The following DMRT3 variants were observed in gnomAD, a reference collection of about 807,000 sequenced individuals.
DMRT3 encodes the protein doublesex- and mab-3-related transcription factor 3.
DMRT3 carries 29 observed loss-of-function variants against 34.9 expected under a neutral mutation model. That is an observed-to-expected ratio of 0.83 (90% CI 0.62 to 1.13). The LOEUF (loss-of-function observed/expected upper bound fraction) is 1.13. Ranked by LOEUF, DMRT3 falls within the 50% of genes most tolerant of loss-of-function variation. DMRT3 has a pLI of 0.00. For missense variants in DMRT3, 772 were observed against 629.1 expected, an observed-to-expected ratio of 1.23 and a Z score of -2.43; for synonymous variants, 350 against 286.0, an observed-to-expected ratio of 1.22 and a Z score of -2.26.
intron 1 of DMRT3, 96 bp from the exon 2 acceptor site, chr9:989,945 C>A: frequency 6.7e-7 from 1 of 1,495,662 alleles, no homozygotes; most frequent in Non-Finnish European, 9.0e-7. Flanking sequence ...GATGCATTTG[C>A]TCTTCCAAAA....
rs1820333203 is a variant in DMRT3 at position 990,050 on chromosome 9, A to G, written c.464A>G (p.Glu155Gly). 6.2e-7 allele frequency: 1 copy of G among 1,613,618 alleles called. No individual in the cohort carries two copies. The highest frequency in any genetic ancestry group is 1.3e-5 in the African/African-American group (1 of 74,910). Residue 155 changes from glutamate (E) to glycine (G), a missense_variant, in exon 2 of 2, where the codon GAA (glutamate) becomes GGA (glycine). By Grantham distance (98) the Glu-to-Gly change is moderately conservative. Coordinates refer to ENST00000190165, the MANE Select transcript of DMRT3 (RefSeq NM_021240.4). ...QAQLAKPDLTEERLGDGKSAD... is the reference protein window; with the variant it reads ...QAQLAKPDLTGERLGDGKSAD... ...CTGTTCTGTTTTCCAGATTTGACTGAAGAACGACTTGGAGACGGCAAGTCG... is the reference window on the plus strand; with the variant it reads ...CTGTTCTGTTTTCCAGATTTGACTGGAGAACGACTTGGAGACGGCAAGTCG...
intron 1 of DMRT3, among the ~76,000 whole-genome samples, chr9:989,569 A>T (rs563314860): frequency 5.9e-5 from 9 of 152,336 alleles, no homozygotes; most frequent in African/African-American, 1.9e-4. Context: ...TAGATTTCAG[A>T]TATTAAAATT....
intron 1 of DMRT3, among the ~76,000 whole-genome samples, chr9:981,816 C>T (rs1429361734): frequency 3.9e-5 from 6 of 152,264 alleles, no homozygotes; most frequent in Non-Finnish European, 7.4e-5. Flanking sequence ...AGCTTCTCGC[C>T]GCCTGCTGGG....
intron 1 of DMRT3, among the ~76,000 whole-genome samples, chr9:977,750 C>T (rs1484249828): frequency 1.3e-5 from 2 of 152,172 alleles, no homozygotes; most frequent in East Asian, 1.9e-4. Flanking sequence ...CGGAACGTGT[C>T]AGATTGAGCA....
intron 1 of DMRT3, among the ~76,000 whole-genome samples, chr9:988,901 A>T (rs1820316277): frequency 6.6e-6 from 1 of 152,224 alleles, no homozygotes; most frequent in South Asian, 2.1e-4. Flanking sequence ...CTACTAAAAA[A>T]TATGTTTCTT....
At position 977,403 on chromosome 9, in the gene DMRT3, T is replaced by C. The variant is rs1279425674; in HGVS notation, c.402T>C (p.Arg134=). 5 of 1,254,958 alleles carry C rather than the reference T, an allele frequency of 4.0e-6. No individual in the cohort carries two copies. The East Asian group carries it at 1.2e-4, about 30-fold the overall frequency. 77.7% of individuals were successfully genotyped at this position (1,254,958 alleles called of 1,614,324 possible). A position where few individuals can be genotyped will look rare whatever the true frequency, so the allele number is the denominator to read the frequency against. The change falls in exon 1 of 2, where the codon CGT becomes CGC. Residue 134 remains arginine (R), a synonymous_variant. Transcript: ENST00000190165. ...AAELAAAAAL[R]WTAEPQPGAL... Reference sequence around the variant, plus strand: ...AGTTGGCCGCGGCCGCCGCGCTGCGTTGGACTGCCGAGCCGCAGCCCGGGG... The same window carrying C: ...AGTTGGCCGCGGCCGCCGCGCTGCGCTGGACTGCCGAGCCGCAGCCCGGGG...
chr9:977,187 C>A lies in DMRT3; in HGVS notation c.186C>A (p.Ile62=). 1 of 1,610,092 alleles carries A rather than the reference C, an allele frequency of 6.2e-7. No individual in the cohort carries two copies. Among genetic ancestry groups the A allele is most frequent in the South Asian group, 1.1e-5 (1 of 90,492 alleles). The change falls in exon 1 of 2, where the codon ATC becomes ATA. Residue 62 remains isoleucine, a synonymous_variant. Transcript: ENST00000190165. ...DCTCEKCILI[I]ERQRVMAAQV... ...CCTGCGAGAAGTGCATCCTCATCAT[C>A]GAGCGGCAGCGGGTCATGGCTGCGC...
intron 1 of DMRT3, among the ~76,000 whole-genome samples, chr9:989,246 A>T (rs1364767564): frequency 6.6e-6 from 1 of 152,224 alleles, no homozygotes; most frequent in Non-Finnish European, 1.5e-5. Flanking sequence ...GTGGAGTGTG[A>T]TGCGTTGTTT....
chr9:980,802 T>A (rs1820207373), intron 1 of DMRT3, among the ~76,000 whole-genome samples: 1 of 152,114 alleles, frequency 6.6e-6, no homozygotes, highest in African/African-American at 2.4e-5. Context: ...TGAGGGAAGT[T>A]AAGGGTCACT....
chr9:983,740 T>A (rs1409102336), intron 1 of DMRT3, among the ~76,000 whole-genome samples: 3 of 152,178 alleles, frequency 2.0e-5, no homozygotes, highest in Non-Finnish European at 4.4e-5. Flanking sequence ...TCAAAACTAA[T>A]TTTTTACAAA....
chr9:977,327 C>A lies in DMRT3; in HGVS notation c.326C>A (p.Pro109Gln). 1 of 1,296,736 alleles carries A rather than the reference C, an allele frequency of 7.7e-7. No homozygotes were observed. The highest frequency in any genetic ancestry group is 2.8e-4 in the Middle Eastern group (1 of 3,600). 80.3% of individuals were successfully genotyped at this position (1,296,736 alleles called of 1,614,324 possible). The change falls in exon 1 of 2, where the codon CCG becomes CAG. Residue 109 changes from proline to glutamine, a missense_variant. Pro to Gln is a moderately conservative substitution (Grantham distance 76, BLOSUM62 -1). Transcript: ENST00000190165. Reference protein sequence around the residue: ...PPGDAVAAPQPPPASQPSQPQ... With the variant: ...PPGDAVAAPQQPPASQPSQPQ... ...GGGGACGCCGTCGCCGCCCCGCAGC[C>A]GCCGCCAGCCTCTCAGCCGTCGCAG... is the stretch of plus-strand genomic sequence containing the variant.
At chr9:980,871 C>G (rs1820208112) in intron 1 of DMRT3, among the ~76,000 whole-genome samples, 5 of 152,194 alleles carry the variant, frequency 3.3e-5, no homozygotes, top group Admixed American at 1.3e-4. Flanking sequence ...CTACCCCCAA[C>G]TTTTCCTCCA....
intron 1 of DMRT3, among the ~76,000 whole-genome samples, chr9:977,814 A>G (rs1820171120): frequency 6.6e-6 from 1 of 152,198 alleles, no homozygotes; most frequent in South Asian, 2.1e-4. Context: ...GCGCACACTC[A>G]CTACGGTGGG....
rs1820359532 is a variant in DMRT3 at position 991,130 on chromosome 9, T to C, written c.*125T>C. ...GTTTGACAAAGTGACTGTGCTTGAT[T>C]CTATACATTAGCAATAAAAACATAA... On this transcript the variant is annotated 3_prime_UTR_variant, in exon 2 of 2. Coordinates refer to ENST00000190165, the MANE Select transcript of DMRT3 (RefSeq NM_021240.4). 5 of 1,267,016 alleles carry C rather than the reference T, an allele frequency of 3.9e-6. No homozygotes were observed. Among genetic ancestry groups the C allele is most frequent in the Admixed American group, 2.3e-5 (1 of 43,362 alleles). The allele number at this position is 1,267,016 out of a possible 1,614,324, so 78.5% of individuals were successfully genotyped here. A position where few individuals can be genotyped will look rare whatever the true frequency, so the allele number is the denominator to read the frequency against.
At position 990,634 on chromosome 9, in the gene DMRT3, G is replaced by A. The variant is rs1322955089; in HGVS notation, c.1048G>A (p.Val350Ile). 3.1e-6 allele frequency: 5 copies of A among 1,614,066 alleles called. No homozygotes were observed. The highest frequency in any genetic ancestry group is 4.2e-6 in the Non-Finnish European group (5 of 1,180,012). The change falls in exon 2 of 2, where the codon GTC becomes ATC. Residue 350 changes from valine to isoleucine, a missense_variant. Transcript: ENST00000190165. ...LRFSADSSNV[V>I]PSPLAGPLQP... ...GTTTTCTGCCGACTCTAGCAACGTT[G>A]TCCCCAGTCCCTTGGCTGGGCCTCT...
At chr9:988,664 T>C (rs558787536) in intron 1 of DMRT3, among the ~76,000 whole-genome samples, 39 of 152,284 alleles carry the variant, frequency 2.6e-4, no homozygotes, top group African/African-American at 8.9e-4. Flanking sequence ...GGTGCTTTGA[T>C]GAAATTTCAC....
At chr9:985,945 T>G (rs1175922792) in intron 1 of DMRT3, among the ~76,000 whole-genome samples, 1 of 152,230 alleles carries the variant, frequency 6.6e-6, no homozygotes, top group Non-Finnish European at 1.5e-5. Context: ...TTGGTTGGTT[T>G]ACGCTGAATT....
At chr9:977,776 T>A (rs1275076308) in intron 1 of DMRT3, among the ~76,000 whole-genome samples, 1 of 152,154 alleles carries the variant, frequency 6.6e-6, no homozygotes, top group African/African-American at 2.4e-5. Context: ...ACAACGGAGT[T>A]GAGACAGGAC....
intron 1 of DMRT3, among the ~76,000 whole-genome samples, chr9:981,883 G>A (rs114089970): frequency 6.6e-6 from 1 of 152,052 alleles, no homozygotes; most frequent in South Asian, 2.1e-4. Flanking sequence ...CTCAGGAACC[G>A]CCCAGAGACA....
Sources: allele counts gnomAD v4.1 joint callset (sites outside exome capture counted in the v4.1 genomes callset), GRCh38; gene constraint gnomAD v4.1.1; transcripts MANE v1.5; gene names NCBI Gene and HGNC (gene_info 2026-07-23, HGNC 2026-07-21).